The following PALM2AKAP2 variants were observed in gnomAD, a reference collection of about 807,000 sequenced individuals.
The protein encoded by PALM2AKAP2 is PALM2 and AKAP2 fusion, also known as PALM2-AKAP2 fusion protein.
PALM2AKAP2 carries 37 observed loss-of-function variants against 71.5 expected under a neutral mutation model. That is an observed-to-expected ratio of 0.52 (90% CI 0.40 to 0.68). PALM2AKAP2 has a LOEUF of 0.68. PALM2AKAP2 is among the 30% of genes least tolerant of loss of function. The pLI is 0.00. For synonymous variants in PALM2AKAP2, 468 were observed against 478.8 expected, an observed-to-expected ratio of 0.98 and a Z score of 0.29; for missense variants, 1,224 against 1,191.8, an observed-to-expected ratio of 1.03 and a Z score of -0.40.
At chr9:110,007,839 C>T (rs926121533) in intron 6 of PALM2AKAP2, among the ~76,000 whole-genome samples, 1 of 152,122 alleles carries the variant, frequency 6.6e-6, no homozygotes, top group Non-Finnish European at 1.5e-5. Context: ...CATTTTTGTA[C>T]TTAGTTTCAA....
At chr9:109,946,913 T>A (rs1831523311) in intron 6 of PALM2AKAP2, among the ~76,000 whole-genome samples, 1 of 152,182 alleles carries the variant, frequency 6.6e-6, no homozygotes, top group South Asian at 2.1e-4. Flanking sequence ...ATATTTTCTT[T>A]CTTTTAGTGT....
intron 1 of PALM2AKAP2, chr9:109,772,192 G>A (rs1829276180): frequency 6.6e-6 from 1 of 152,224 alleles, no homozygotes; most frequent in Non-Finnish European, 1.5e-5. Context: ...GGGCGCAGAG[G>A]CTCCTGTGGA....
chr9:110,117,626 A>T (rs568443927), intron 1 of PALM2AKAP2, among the ~76,000 whole-genome samples: 3 of 152,312 alleles, frequency 2.0e-5, no homozygotes, highest in Non-Finnish European at 4.4e-5. Context: ...AGGCTGTCTC[A>T]TCCCATAGAA....
intron 1 of PALM2AKAP2, among the ~76,000 whole-genome samples, chr9:110,075,583 CT>C (rs1247706314): frequency 6.6e-6 from 1 of 151,972 alleles, no homozygotes; most frequent in African/African-American, 2.4e-5. Flanking sequence ...CCCTCATTCT[CT>C]TTTTTTCTTT....
chr9:110,028,475 C>A (rs1021503563), intron 7 of PALM2AKAP2, among the ~76,000 whole-genome samples: 6 of 152,126 alleles, frequency 3.9e-5, no homozygotes, highest in Admixed American at 3.9e-4. Context: ...GTGTAATCCT[C>A]CAGATGACTC....
intron 5 of PALM2AKAP2, among the ~76,000 whole-genome samples, chr9:109,930,383 G>A (rs1243577212): frequency 6.6e-6 from 1 of 152,082 alleles, no homozygotes; most frequent in African/African-American, 2.4e-5. Context: ...ATGCCACCAT[G>A]CCCAGCTAAT....
chr9:110,130,272 G>A (rs1835704893), intron 1 of PALM2AKAP2, among the ~76,000 whole-genome samples: 1 of 152,154 alleles, frequency 6.6e-6, no homozygotes, highest in South Asian at 2.1e-4. Flanking sequence ...GCTTATGAAG[G>A]AGTTCTGTTC....
intron 5 of PALM2AKAP2, among the ~76,000 whole-genome samples, chr9:109,931,209 C>T (rs78519019): frequency 0.013 from 2,006 of 152,316 alleles, 42 homozygotes; most frequent in African/African-American, 0.046. Flanking sequence ...CTCCCCATGT[C>T]TCACCTCCCT....
chr9:109,890,865 A>G (rs1047275847), intron 3 of PALM2AKAP2, among the ~76,000 whole-genome samples: 3 of 152,234 alleles, frequency 2.0e-5, no homozygotes, highest in Admixed American at 2.0e-4. Flanking sequence ...CATCTCTGCC[A>G]AGCCTTTTTA....
chr9:109,640,889 G>T (rs1827056099), intron 1 of PALM2AKAP2: 2 of 1,513,232 alleles, frequency 1.3e-6, no homozygotes, highest in South Asian at 1.2e-5. Context: ...GAGCCGCGCC[G>T]CCAGCTGCTC....
At chr9:110,088,244 G>A (rs1834616882) in intron 1 of PALM2AKAP2, among the ~76,000 whole-genome samples, 1 of 134,120 alleles carries the variant, frequency 7.5e-6, no homozygotes, top group Non-Finnish European at 1.5e-5. Flanking sequence ...TATGCCCTAT[G>A]TAATGAAGTA....
chr9:109,732,415 CT>C (rs1416825405), intron 1 of PALM2AKAP2, among the ~76,000 whole-genome samples: 2 of 152,136 alleles, frequency 1.3e-5, no homozygotes, highest in Non-Finnish European at 2.9e-5. Flanking sequence ...AATGAGGTAT[CT>C]TTGGGGGAAA....
intron 2 of PALM2AKAP2, among the ~76,000 whole-genome samples, chr9:110,151,163 T>C (rs902563132): frequency 5.3e-5 from 8 of 152,218 alleles, no homozygotes; most frequent in African/African-American, 1.9e-4. Context: ...GTTTTTCTTC[T>C]TTTTTCCCCT....
At chr9:110,066,559 A>C (rs1385657908) in intron 1 of PALM2AKAP2, among the ~76,000 whole-genome samples, 1 of 152,150 alleles carries the variant, frequency 6.6e-6, no homozygotes, top group Non-Finnish European at 1.5e-5. Flanking sequence ...TTAGCTGGTC[A>C]TGGTGGTGCA....
Position 109,941,145 on chromosome 9 carries a change from CTT to C in PALM2AKAP2, c.496+9140_496+9141del, listed in dbSNP as rs34635858. 7.6e-3 allele frequency among the ~76,000 whole-genome samples: 809 copies of C among 106,248 alleles called. 9 individuals carry two copies. Among genetic ancestry groups the C allele is most frequent in the African/African-American group, 0.027 (743 of 27,032 alleles). 69.7% of individuals were successfully genotyped at this position (106,248 alleles called of 152,430 possible). On this transcript the variant is annotated intron_variant, in intron 6 of 9. Transcript: ENST00000302798. Reference sequence around the variant, plus strand: ...TTCTCTTCTTCTTCTTCTTCCTCTTCTTTTTTTTTTTTTTTTTTTTTTTTAAA... The same window carrying C: ...TTCTCTTCTTCTTCTTCTTCCTCTTCTTTTTTTTTTTTTTTTTTTTTTAAA...
intron 1 of PALM2AKAP2, among the ~76,000 whole-genome samples, chr9:109,752,694 T>G (rs1828902288): frequency 6.6e-6 from 1 of 152,116 alleles, no homozygotes; most frequent in African/African-American, 2.4e-5. Flanking sequence ...TTGGGGCTAT[T>G]TCCTAAGAAC....
chr9:109,738,667 G>A (rs369634544), intron 1 of PALM2AKAP2, among the ~76,000 whole-genome samples: 2 of 152,200 alleles, frequency 1.3e-5, no homozygotes, highest in African/African-American at 2.4e-5. Flanking sequence ...GAGAAGAGTT[G>A]CTAGGAAAGT....
rs568244237 is a variant in PALM2AKAP2, at chr9:110,037,979, C to T, written c.582+21940C>T. Among the ~76,000 whole-genome samples the T allele has an allele frequency of 5.9e-5, 9 of 152,250 alleles. No homozygotes were observed. The South Asian group carries it at 1.9e-3, about 32-fold the overall frequency. ...GGGATAGAAGGGATCAAGCCCAAGTCATTGCTCATCCCAAATTAAAGATTT... is the reference window on the plus strand; with the variant it reads ...GGGATAGAAGGGATCAAGCCCAAGTTATTGCTCATCCCAAATTAAAGATTT... On this transcript the variant is annotated intron_variant, in intron 7 of 9. Coordinates refer to the PALM2AKAP2 transcript ENST00000302798.
chr9:110,035,422 ATAT>A (rs1425397107), intron 7 of PALM2AKAP2, among the ~76,000 whole-genome samples: 4 of 144,980 alleles, frequency 2.8e-5, no homozygotes, highest in Non-Finnish European at 4.5e-5. Context: ...TGTATAATAC[ATAT>A]TATATACGTA....
Sources: gnomAD v4.1 joint callset for allele counts (sites outside exome capture counted in the v4.1 genomes callset) on GRCh38, gnomAD v4.1.1 for gene constraint, MANE v1.5 for transcripts, NCBI Gene and HGNC (gene_info 2026-07-23, HGNC 2026-07-21) for gene names.